ABI3BP: variants seen among roughly 807,000 people sequenced by gnomAD.
The protein encoded by ABI3BP is target of Nesh-SH3.
ABI3BP carries 216 observed loss-of-function variants against 268.6 expected under a neutral mutation model. The observed-to-expected ratio is 0.80, with a 90% CI of 0.72 to 0.90. The LOEUF is 0.90. ABI3BP is among the 40% of genes least tolerant of loss of function. ABI3BP has a pLI of 0.00. For missense variants in ABI3BP, 2,090 were observed against 2,182.4 expected (o/e 0.96, Z 0.84); for synonymous variants, 730 against 730.0 (o/e 1.00, Z 0.00).
At chr3:100,907,108 T>C (rs1175705282) in intron 2 of ABI3BP, among the ~76,000 whole-genome samples, 1 of 152,226 alleles carries the variant, frequency 6.6e-6, no homozygotes, top group African/African-American at 2.4e-5. Context: ...TACATGCTAG[T>C]ACAAGTCAAA....
intron 15 of ABI3BP, among the ~76,000 whole-genome samples, chr3:100,851,562 C>T (rs1374977597): frequency 6.6e-6 from 1 of 152,196 alleles, no homozygotes; most frequent in Non-Finnish European, 1.5e-5. Flanking sequence ...CTGCTCCAGA[C>T]AAAACCCTCT....
intron 14 of ABI3BP, among the ~76,000 whole-genome samples, chr3:100,857,706 T>C (rs1431728590): frequency 2.0e-5 from 3 of 152,350 alleles, no homozygotes; most frequent in African/African-American, 7.2e-5. Context: ...TTGAATAATA[T>C]ATTAGGAAAG....
At chr3:100,775,022 A>G (rs949679898) in intron 60 of ABI3BP, among the ~76,000 whole-genome samples, 185 bp downstream of exon 60, 1 of 152,196 alleles carries the variant, frequency 6.6e-6, no homozygotes, top group African/African-American at 2.4e-5. Context: ...CTGCTAAGGG[A>G]AGGATAATAC....
At chr3:100,803,427 TTAAAATATA>T (rs2097591398) in intron 51 of ABI3BP, among the ~76,000 whole-genome samples, 1 of 145,100 alleles carries the variant, frequency 6.9e-6, no homozygotes, top group African/African-American at 2.4e-5. Flanking sequence ...AGAGAAGATT[TTAAAATATA>T]TACCTTAAAA....
At chr3:100,847,537 C>G in intron 19 of ABI3BP, 65 bp downstream of exon 19, 1 of 1,348,170 alleles carries the variant, frequency 7.4e-7, no homozygotes, top group Non-Finnish European at 1.1e-6. Context: ...TACATAAAAG[C>G]TGGGGTACTG....
intron 2 of ABI3BP, among the ~76,000 whole-genome samples, chr3:100,913,901 C>T (rs897738061): frequency 6.6e-6 from 1 of 152,104 alleles, no homozygotes; most frequent in African/African-American, 2.4e-5. Flanking sequence ...TCATGTACCT[C>T]TAAACATGGA....
chr3:100,841,825 A>G (rs1580037938), intron 21 of ABI3BP, among the ~76,000 whole-genome samples, 173 bp downstream of exon 21: 1 of 151,164 alleles, frequency 6.6e-6, no homozygotes, highest in South Asian at 2.1e-4. Flanking sequence ...GGGAGGCAGA[A>G]GTTGCAGTGA....
At chr3:100,937,759 A>G (rs369319927) in intron 1 of ABI3BP, among the ~76,000 whole-genome samples, 1 of 152,084 alleles carries the variant, frequency 6.6e-6, no homozygotes, top group South Asian at 2.1e-4. Flanking sequence ...AACGTAGTCT[A>G]TGCTCTGCTT....
chr3:100,941,221 C>A (rs557473645), intron 1 of ABI3BP, among the ~76,000 whole-genome samples: 1 of 151,758 alleles, frequency 6.6e-6, no homozygotes, highest in South Asian at 2.1e-4. Flanking sequence ...CAGAACAGCA[C>A]GTTCCCTCTC....
intron 1 of ABI3BP, among the ~76,000 whole-genome samples, chr3:100,982,097 T>C (rs2089788780): frequency 2.0e-5 from 3 of 152,158 alleles, no homozygotes; most frequent in African/African-American, 7.2e-5. Flanking sequence ...AGAGAGAGAA[T>C]GTGTGAGAGT....
intron 1 of ABI3BP, among the ~76,000 whole-genome samples, chr3:100,987,202 A>G (rs985007230): frequency 6.6e-6 from 1 of 152,212 alleles, no homozygotes; most frequent in Non-Finnish European, 1.5e-5. Flanking sequence ...GTGGTGATCC[A>G]GATAGAGTGA....
intron 50 of ABI3BP, among the ~76,000 whole-genome samples, chr3:100,806,638 G>A (rs1360737950): frequency 6.6e-6 from 1 of 152,066 alleles, no homozygotes; most frequent in African/African-American, 2.4e-5. Flanking sequence ...GACAAAGCCA[G>A]AAGTATCTGG....
intron 44 of ABI3BP, among the ~76,000 whole-genome samples, chr3:100,815,178 A>G (rs1303167598): frequency 6.6e-6 from 1 of 152,156 alleles, no homozygotes; most frequent in Non-Finnish European, 1.5e-5. Flanking sequence ...TAGTGTTTGT[A>G]GGTCTAGAAA....
At chr3:100,849,224 CTT>C (rs547312079) in intron 17 of ABI3BP, among the ~76,000 whole-genome samples, 80 of 125,498 alleles carry the variant, frequency 6.4e-4, no homozygotes, top group African/African-American at 1.8e-3. Context: ...TTTGGAACTA[CTT>C]TTTTTTTTTT....
intron 1 of ABI3BP, among the ~76,000 whole-genome samples, chr3:100,926,777 A>G (rs2061923981): frequency 1.3e-5 from 2 of 152,148 alleles, no homozygotes. Context: ...TGCTTTATAC[A>G]CACTGTCTGG....
intron 59 of ABI3BP, among the ~76,000 whole-genome samples, 168 bp downstream of exon 59, chr3:100,778,116 A>G (rs1248791984): frequency 1.3e-5 from 2 of 152,246 alleles, no homozygotes; most frequent in Non-Finnish European, 2.9e-5. Context: ...TCCAAGAATC[A>G]GGTTGTAAGT....
At chr3:100,825,991 C>G in intron 34 of ABI3BP, 147 bp from the exon 35 acceptor site, 1 of 654,982 alleles carries the variant, frequency 1.5e-6, no homozygotes, top group South Asian at 1.8e-5. Context: ...TATATTTCCA[C>G]CCCTCACCCC....
In ABI3BP at chr3:100,821,036, A is replaced by G. The variant is rs1365471146; in HGVS notation, c.2947+18T>C. On this transcript the variant is annotated intron_variant, in intron 39 of 67. Transcript: ENST00000471714. ...TGAGAAGGAAGAACACTTAATGAGGATTGCAACGTGCTATTACCTTGTGTT... is the reference window on the plus strand; with the variant it reads ...TGAGAAGGAAGAACACTTAATGAGGGTTGCAACGTGCTATTACCTTGTGTT... 1 of 1,532,170 alleles carries G rather than the reference A, an allele frequency of 6.5e-7. No homozygotes were observed. Among genetic ancestry groups the G allele is most frequent in the African/African-American group, 1.4e-5 (1 of 73,050 alleles). 94.9% of individuals were successfully genotyped at this position (1,532,170 alleles called of 1,614,324 possible).
At chr3:100,808,957 A>T (rs959294890) in intron 49 of ABI3BP, among the ~76,000 whole-genome samples, 1 of 152,092 alleles carries the variant, frequency 6.6e-6, no homozygotes, top group Non-Finnish European at 1.5e-5. Flanking sequence ...TGGGATAAAG[A>T]AAGGTAAGAA....
Sources: gnomAD v4.1 joint callset for allele counts (sites outside exome capture counted in the v4.1 genomes callset) on GRCh38, gnomAD v4.1.1 for gene constraint, MANE v1.5 for transcripts, NCBI Gene and HGNC (gene_info 2026-07-23, HGNC 2026-07-21) for gene names.